The following NOS1 variants were observed in gnomAD, a reference collection of about 807,000 sequenced individuals.
NOS1 encodes NOS type I.
NOS1 carries 51 observed loss-of-function variants against 164.5 expected under a neutral mutation model. That is an observed-to-expected ratio of 0.31 (90% CI 0.25 to 0.39). The LOEUF (loss-of-function observed/expected upper bound fraction) is 0.39, where lower values mean the gene tolerates loss of function less well. NOS1 is among the 10% of genes least tolerant of loss of function. The pLI is 1.00. For synonymous variants in NOS1, 719 were observed against 745.8 expected (o/e 0.96, Z 0.59); for missense variants, 1,362 against 1,885.6 (o/e 0.72, Z 5.14).
intron 22 of NOS1, among the ~76,000 whole-genome samples, chr12:117,230,364 T>A (rs536004670): frequency 6.6e-6 from 1 of 152,366 alleles, no homozygotes; most frequent in African/African-American, 2.4e-5. Context: ...TAAATAACTT[T>A]GTAAAGCTTA....
At chr12:117,244,638 C>T (rs1013361121) in intron 18 of NOS1, among the ~76,000 whole-genome samples, 4 of 152,148 alleles carry the variant, frequency 2.6e-5, no homozygotes, top group African/African-American at 9.7e-5. Context: ...ATGTTGACTT[C>T]AAAACAATCC....
chr12:117,326,396 A>AAAC (rs1555260926), intron 2 of NOS1, among the ~76,000 whole-genome samples: 12 of 31,936 alleles, frequency 3.8e-4, no homozygotes, highest in African/African-American at 4.9e-4. Flanking sequence ...AAAAAAAAAA[A>AAAC]AAAAACAAAA....
intron 4 of NOS1, 140 bp from the exon 5 acceptor site, chr12:117,288,359 C>T (rs1031334801): frequency 5.8e-5 from 41 of 708,374 alleles, no homozygotes; most frequent in Admixed American, 1.1e-4. Context: ...GTACCAGCTT[C>T]AAATCCTTGG....
In NOS1 at chr12:117,330,650, C is replaced by A. The variant is rs9658278; in HGVS notation, c.420G>T (p.Pro140=). ...TKAVDLSHQP[P]AGKEQPLAVD... ...CTGCCAGGGGCTGTTCTTTGCCGGC[C>A]GGTGGCTGGTGGGACAGATCCACGG... Residue 140 remains proline, a synonymous_variant, in exon 2 of 29, where the codon CCG becomes CCT. Coordinates refer to ENST00000317775, the MANE Select transcript of NOS1 (RefSeq NM_000620.5). This position sits in a 1 kb window ranked among gnomAD's most constrained non-coding sequence, Gnocchi z 4.6. 27 of 1,611,696 alleles carry A rather than the reference C, an allele frequency of 1.7e-5. No homozygotes were observed. In the South Asian group the frequency reaches 3.0e-4, roughly 18 times the overall value.
Position 117,234,858 on chromosome 12 carries a change from TC to T in NOS1, c.3042-101del. 2 of 991,696 alleles carry T rather than the reference TC, an allele frequency of 2.0e-6. No homozygotes were observed. The highest frequency in any genetic ancestry group is 2.9e-6 in the Non-Finnish European group (2 of 681,550). The allele number at this position is 991,696 out of a possible 1,614,324, so 61.4% of individuals were successfully genotyped here. A position where few individuals can be genotyped will look rare whatever the true frequency, so the allele number is the denominator to read the frequency against. On this transcript the variant is annotated intron_variant, in intron 20 of 28. Coordinates refer to ENST00000317775, the MANE Select transcript of NOS1 (RefSeq NM_000620.5). The surrounding 1 kb of genome is among the most constrained non-coding windows in gnomAD (Gnocchi z 4.3). The stretch of plus-strand genomic sequence containing the variant: ...CCTTGTTGGCTGCAATTCTCCTCCT[TC>T]CATTCTTGTTGGGGCCCGTGCTAAC...
At chr12:117,327,288 A>G (rs1875299452) in intron 2 of NOS1, among the ~76,000 whole-genome samples, 1 of 152,192 alleles carries the variant, frequency 6.6e-6, no homozygotes, top group Non-Finnish European at 1.5e-5. Flanking sequence ...AGGGTGGTAG[A>G]GGATTGGGAG....
Position 117,212,392 on chromosome 12 carries a change from C to T in NOS1, c.*2917G>A. The T allele has an allele frequency of 1.0e-6, 1 of 985,332 alleles. No individual in the cohort carries two copies. The highest frequency in any genetic ancestry group is 1.2e-6 in the Non-Finnish European group (1 of 829,916). The allele number at this position is 985,332 out of a possible 1,614,324, so 61.0% of individuals were successfully genotyped here. A position where few individuals can be genotyped will look rare whatever the true frequency, so the allele number is the denominator to read the frequency against. Reference sequence around the variant, plus strand: ...CCATATTGATGGGTCTGAAGTGTCCCCCCGCAAAAGAAAGACACCTGGCTG... The same window carrying T: ...CCATATTGATGGGTCTGAAGTGTCCTCCCGCAAAAGAAAGACACCTGGCTG... On this transcript the variant is annotated 3_prime_UTR_variant, in exon 29 of 29. Transcript: ENST00000317775.
At chr12:117,238,195 G>A (rs1592939827) in intron 20 of NOS1, among the ~76,000 whole-genome samples, 1 of 152,092 alleles carries the variant, frequency 6.6e-6, no homozygotes, top group Non-Finnish European at 1.5e-5. Flanking sequence ...ACCATCAGGG[G>A]CTGTGAAGCT....
chr12:117,283,057 T>TATATATA (rs59524855), intron 7 of NOS1, among the ~76,000 whole-genome samples: 91 of 32,212 alleles, frequency 2.8e-3, no homozygotes, highest in African/African-American at 6.4e-3. Context: ...TATATATATA[T>TATATATA]TTTTTTTTTT....
chr12:117,343,370 T>G (rs1876206434), intron 1 of NOS1, among the ~76,000 whole-genome samples: 1 of 152,186 alleles, frequency 6.6e-6, no homozygotes, highest in South Asian at 2.1e-4. Flanking sequence ...AGTAATAATT[T>G]AGTTGTGGTC....
At chr12:117,264,859 C>T (rs962781746) in intron 12 of NOS1, among the ~76,000 whole-genome samples, 1 of 151,872 alleles carries the variant, frequency 6.6e-6, no homozygotes, top group African/African-American at 2.4e-5. Context: ...AGCTGGCATA[C>T]GCCAGGCTAA....
At chr12:117,350,184 T>C (rs1876551152) in intron 1 of NOS1, among the ~76,000 whole-genome samples, 2 of 152,210 alleles carry the variant, frequency 1.3e-5, no homozygotes, top group Non-Finnish European at 2.9e-5. Context: ...ATTCCTGAGA[T>C]GCTATCATTA....
At chr12:117,361,423 C>G (rs547933979) in intron 1 of NOS1, 89 bp downstream of exon 1, 1 of 150,962 alleles carries the variant, frequency 6.6e-6, no homozygotes, top group East Asian at 2.0e-4. Flanking sequence ...TGCGTCCCCT[C>G]CCTCAGCCTC....
chr12:117,295,794 A>ATT (rs765400756), intron 3 of NOS1, among the ~76,000 whole-genome samples: 1 of 127,984 alleles, frequency 7.8e-6, no homozygotes, highest in African/African-American at 2.9e-5. Flanking sequence ...TAATTTTTCT[A>ATT]TTTTTTTTTT....
chr12:117,253,808 T>C (rs146328143), intron 16 of NOS1, 54 bp from the exon 17 acceptor site: 12 of 1,204,352 alleles, frequency 1.0e-5, no homozygotes, highest in Middle Eastern at 1.9e-4. Flanking sequence ...CCTCCTGAGG[T>C]CAACACCCTT....
At chr12:117,355,144 G>T (rs959749410) in intron 1 of NOS1, among the ~76,000 whole-genome samples, 2 of 152,136 alleles carry the variant, frequency 1.3e-5, no homozygotes, top group African/African-American at 4.8e-5. Context: ...CTGAAAATCT[G>T]TAGGCTCCCA....
intron 20 of NOS1, among the ~76,000 whole-genome samples, chr12:117,237,951 C>T (rs537931216): frequency 6.6e-6 from 1 of 152,194 alleles, no homozygotes; most frequent in Non-Finnish European, 1.5e-5. Context: ...GTCAGGGAGA[C>T]TTCTCTGGCG....
chr12:117,219,680 G>A (rs1461417767), intron 27 of NOS1, among the ~76,000 whole-genome samples: 1 of 152,108 alleles, frequency 6.6e-6, no homozygotes, highest in African/African-American at 2.4e-5. Context: ...TCACACTAAA[G>A]AGACTGAGTA....
chr12:117,226,838 A>C, intron 23 of NOS1, 68 bp from the exon 24 acceptor site: 1 of 1,209,548 alleles, frequency 8.3e-7, no homozygotes, highest in Non-Finnish European at 1.2e-6. Context: ...TCCTCCCTCC[A>C]GTGCAAAATA....
Sources: gnomAD v4.1 joint callset for allele counts (sites outside exome capture counted in the v4.1 genomes callset) on GRCh38, gnomAD v4.1.1 for gene constraint, Gnocchi (gnomAD v3.1) non-coding constraint, MANE v1.5 for transcripts, NCBI Gene and HGNC (gene_info 2026-07-23, HGNC 2026-07-21) for gene names.